Variants in KCNU1 observed in about 807,000 individuals in gnomAD.
KCNU1 encodes the protein potassium calcium-activated channel subfamily U member 1.
Under a neutral mutation model 126.8 loss-of-function variants are expected in KCNU1, and 93 were observed. The ratio of observed to expected loss-of-function variants is 0.73; its 90% confidence interval spans 0.62 to 0.87. The LOEUF (loss-of-function observed/expected upper bound fraction) is 0.87, where lower values mean the gene tolerates loss of function less well. Ranked by LOEUF, KCNU1 falls within the 40% of genes least tolerant of loss-of-function variation. The pLI, the probability that KCNU1 is intolerant of heterozygous loss-of-function variation, is 0.00. For missense variants in KCNU1, 1,330 were observed against 1,367.1 expected, an observed-to-expected ratio of 0.97 and a Z score of 0.43; for synonymous variants, 523 against 494.2, an observed-to-expected ratio of 1.06 and a Z score of -0.77.
chr8:36,874,870 G>C (rs1395557503), intron 19 of KCNU1, among the ~76,000 whole-genome samples: 1 of 151,728 alleles, frequency 6.6e-6, no homozygotes, highest in Admixed American at 6.6e-5. Context: ...TTTTCTCCTT[G>C]AACGTCCCTT....
intron 8 of KCNU1, among the ~76,000 whole-genome samples, chr8:36,814,882 C>T (rs1161422823): frequency 6.6e-6 from 1 of 152,166 alleles, no homozygotes; most frequent in Admixed American, 6.5e-5. Flanking sequence ...AAAACCACAA[C>T]AGAGTTCTCC....
At chr8:36,847,253 A>G (rs985321479) in intron 18 of KCNU1, among the ~76,000 whole-genome samples, 1 of 152,136 alleles carries the variant, frequency 6.6e-6, no homozygotes, top group Non-Finnish European at 1.5e-5. Flanking sequence ...ATAATTGCAT[A>G]TATTTTTGAA....
At chr8:36,788,626 G>A (rs1023507763) in intron 2 of KCNU1, among the ~76,000 whole-genome samples, 1 of 152,148 alleles carries the variant, frequency 6.6e-6, no homozygotes, top group Non-Finnish European at 1.5e-5. Context: ...GAAGTATTAA[G>A]TAAAACTGCT....
intron 16 of KCNU1, among the ~76,000 whole-genome samples, chr8:36,844,959 T>C (rs888421520): frequency 2.0e-5 from 3 of 152,074 alleles, no homozygotes; most frequent in African/African-American, 7.2e-5. Flanking sequence ...AAAATTATAA[T>C]ACAATATTCT....
intron 2 of KCNU1, among the ~76,000 whole-genome samples, chr8:36,801,064 G>A (rs1450253714): frequency 6.6e-6 from 1 of 152,202 alleles, no homozygotes; most frequent in Non-Finnish European, 1.5e-5. Flanking sequence ...CATCATAAAT[G>A]ATTACATTTG....
intron 9 of KCNU1, among the ~76,000 whole-genome samples, chr8:36,816,653 T>A (rs185914863): frequency 4.0e-4 from 61 of 152,330 alleles, no homozygotes; most frequent in African/African-American, 1.4e-3. Flanking sequence ...AACTTTAATG[T>A]TAACTTAGGC....
At position 36,882,780 on chromosome 8, in the gene KCNU1, T is replaced by C. The variant is rs1172568299; in HGVS notation, c.2009+18259T>C. 4.6e-5 allele frequency among the ~76,000 whole-genome samples: 7 copies of C among 152,120 alleles called. No homozygotes were observed. The East Asian group carries it at 1.4e-3, about 29-fold the overall frequency. ...ATGTTTTTAGTAGAGATGGGGTTTC[T>C]CCATGTTGGTCAGGCTGGTCTCGAA... On this transcript the variant is annotated intron_variant, in intron 19 of 26. Coordinates refer to ENST00000399881, the MANE Select transcript of KCNU1 (RefSeq NM_001031836.3).
intron 18 of KCNU1, among the ~76,000 whole-genome samples, chr8:36,852,451 T>G (rs948928423): frequency 5.3e-5 from 8 of 152,174 alleles, no homozygotes; most frequent in Admixed American, 4.6e-4. Context: ...GTGTTAATTC[T>G]TCTTTAAGCA....
Position 36,927,163 on chromosome 8 carries a change from T to G in KCNU1, c.2737-3788T>G, listed in dbSNP as rs139202647. ...GTCACTGCTTAGAAATACTAAGGTT[T>G]TGTTTAAATTTTCAGGCAATTTTAA... On this transcript the variant is annotated intron_variant, in intron 24 of 26. Transcript: ENST00000399881. Among the ~76,000 whole-genome samples the G allele has an allele frequency of 2.0e-5, 3 of 152,314 alleles. No homozygotes were observed. The East Asian group carries it at 5.8e-4, about 29-fold the overall frequency.
At chr8:36,823,314 C>T (rs111510342) in intron 10 of KCNU1, among the ~76,000 whole-genome samples, 96 of 152,254 alleles carry the variant, frequency 6.3e-4, no homozygotes, top group African/African-American at 2.3e-3. Flanking sequence ...CAACTGCTTT[C>T]AGTTCTTTCA....
chr8:36,800,562 C>T (rs1382504637), intron 2 of KCNU1, among the ~76,000 whole-genome samples: 2 of 152,202 alleles, frequency 1.3e-5, no homozygotes, highest in Admixed American at 6.5e-5. Flanking sequence ...CAGGGTGTCT[C>T]CTCTCGGCCA....
intron 19 of KCNU1, among the ~76,000 whole-genome samples, chr8:36,881,843 C>T (rs960028650): frequency 2.2e-5 from 3 of 133,508 alleles, no homozygotes; most frequent in Non-Finnish European, 4.9e-5. Context: ...CACACACACA[C>T]ATTCAAGTTT....
At chr8:36,880,732 C>T (rs1178755391) in intron 19 of KCNU1, among the ~76,000 whole-genome samples, 1 of 152,152 alleles carries the variant, frequency 6.6e-6, no homozygotes, top group Non-Finnish European at 1.5e-5. Context: ...CCAAAAACTG[C>T]AGTTTTCAAA....
intron 24 of KCNU1, among the ~76,000 whole-genome samples, chr8:36,923,518 G>A (rs1232756645): frequency 1.3e-5 from 2 of 152,166 alleles, no homozygotes; most frequent in African/African-American, 4.8e-5. Flanking sequence ...CAGAAGCAGT[G>A]AGGTGGGAGT....
rs1356397738 is a variant in KCNU1, at chr8:36,840,959, G to A, written c.1659G>A (p.Leu553=). The part of the protein sequence containing the change: ...ARLCFLKMHL[L]LIAIEYKSLF... ...TCTGCTTTCTGAAGATGCACCTCCT[G>A]TTGATAGCCATCGAATACAAGTCCC... Residue 553 remains leucine, a synonymous_variant, in exon 16 of 27, where the codon CTG becomes CTA. Coordinates refer to ENST00000399881, the MANE Select transcript of KCNU1 (RefSeq NM_001031836.3). 2 of 1,610,632 alleles carry A rather than the reference G, an allele frequency of 1.2e-6. No homozygotes were observed. The highest frequency in any genetic ancestry group is 1.7e-6 in the Non-Finnish European group (2 of 1,178,916).
chr8:36,846,526 G>A (rs1053692458), intron 18 of KCNU1, among the ~76,000 whole-genome samples: 3 of 152,056 alleles, frequency 2.0e-5, no homozygotes, highest in Non-Finnish European at 2.9e-5. Context: ...AGCCTCAGTC[G>A]GGCACGGTGG....
At chr8:36,827,805 A>G (rs1804380978) in intron 10 of KCNU1, among the ~76,000 whole-genome samples, 1 of 152,194 alleles carries the variant, frequency 6.6e-6, no homozygotes, top group African/African-American at 2.4e-5. Context: ...TGATAATTTC[A>G]GAGTATTTGA....
chr8:36,906,127 T>G (rs570103928), intron 20 of KCNU1, among the ~76,000 whole-genome samples: 1 of 152,122 alleles, frequency 6.6e-6, no homozygotes, highest in African/African-American at 2.4e-5. Flanking sequence ...TCCTAGTAAA[T>G]CTAATTAATT....
intron 23 of KCNU1, among the ~76,000 whole-genome samples, chr8:36,919,204 A>G (rs1205489789): frequency 6.6e-6 from 1 of 152,126 alleles, no homozygotes; most frequent in Non-Finnish European, 1.5e-5. Flanking sequence ...GACTGCTAGA[A>G]AGAATCTCCC....
Sources: allele counts gnomAD v4.1 joint callset (sites outside exome capture counted in the v4.1 genomes callset), GRCh38; gene constraint gnomAD v4.1.1; transcripts MANE v1.5; gene names NCBI Gene and HGNC (gene_info 2026-07-23, HGNC 2026-07-21).